Variants in CD46 observed in about 807,000 individuals in gnomAD.
CD46 encodes the protein membrane cofactor protein.
Under a neutral mutation model 53.3 loss-of-function variants are expected in CD46, and 30 were observed. The observed-to-expected ratio is 0.56, with a 90% CI of 0.42 to 0.76. CD46 has a LOEUF of 0.76. Among genes scored for constraint, CD46 ranks in the 30% least tolerant of loss-of-function variants. The pLI is 0.00. For missense variants in CD46, 409 were observed against 463.0 expected (o/e 0.88, Z 1.07); for synonymous variants, 142 against 152.0 (o/e 0.93, Z 0.48).
At chr1:207,778,828 G>T (rs184432999) in intron 8 of CD46, among the ~76,000 whole-genome samples, 1 of 152,086 alleles carries the variant, frequency 6.6e-6, no homozygotes, top group African/African-American at 2.4e-5. Context: ...GAAGAATGTC[G>T]TTGGTAGTTT....
At chr1:207,764,547 G>C (rs1208048884) in intron 5 of CD46, among the ~76,000 whole-genome samples, 1 of 152,004 alleles carries the variant, frequency 6.6e-6, no homozygotes, top group African/African-American at 2.4e-5. Context: ...TTGTGCATAT[G>C]GTCATTCTTT....
chr1:207,787,083 CTTTT>C (rs1186910934), intron 11 of CD46, among the ~76,000 whole-genome samples: 1 of 151,884 alleles, frequency 6.6e-6, no homozygotes, highest in Non-Finnish European at 1.5e-5. Flanking sequence ...TTGTTTTTTG[CTTTT>C]TTGTGATGGA....
intron 5 of CD46, among the ~76,000 whole-genome samples, chr1:207,765,952 T>C (rs1027029062): frequency 6.6e-6 from 1 of 152,170 alleles, no homozygotes; most frequent in South Asian, 2.1e-4. Context: ...CTCTAAAAGA[T>C]GGACTCGTAC....
Position 207,752,460 on chromosome 1 carries a change from GGCGGGGAAT to G in CD46, c.97+159_97+167del. On this transcript the variant is annotated intron_variant, in intron 1 of 12. Coordinates refer to ENST00000367042, the MANE Select transcript of CD46 (RefSeq NM_172351.3). The surrounding 1 kb of genome is among the most constrained non-coding windows in gnomAD (Gnocchi z 4.1). ...CAGTGCTCAGATCCCGGGGGTATGT[GGCGGGGAAT>G]GCGGGGACCACGCAGAGCCCGAGGT... 1.3e-6 allele frequency: 1 copy of G among 786,350 alleles called. No homozygotes were observed. The highest frequency in any genetic ancestry group is 2.5e-5 in the East Asian group (1 of 39,534). 48.7% of individuals were successfully genotyped at this position (786,350 alleles called of 1,614,324 possible).
chr1:207,779,146 C>G (rs976570002), intron 8 of CD46, among the ~76,000 whole-genome samples: 2 of 152,132 alleles, frequency 1.3e-5, no homozygotes, highest in Admixed American at 6.5e-5. Flanking sequence ...TATCCTGCAA[C>G]TTTGGTGAAG....
intron 8 of CD46, among the ~76,000 whole-genome samples, chr1:207,782,018 A>G (rs927931376): frequency 6.6e-6 from 1 of 151,948 alleles, no homozygotes; most frequent in Non-Finnish European, 1.5e-5. Context: ...TTTGTATAGT[A>G]TTGACAGTTT....
chr1:207,762,481 TA>T (rs1571599082), intron 5 of CD46: 1 of 152,144 alleles, frequency 6.6e-6, no homozygotes, highest in Non-Finnish European at 1.5e-5. Context: ...CAACAGTTGC[TA>T]CTTGGAGATC....
chr1:207,761,598 C>T (rs577265129), intron 5 of CD46, 152 bp downstream of exon 5: 186 of 677,770 alleles, frequency 2.7e-4, no homozygotes, highest in African/African-American at 1.5e-3. Flanking sequence ...CAATTCAAGT[C>T]AAAAAATAGT....
At chr1:207,776,135 C>T (rs530994566) in intron 8 of CD46, among the ~76,000 whole-genome samples, 34 of 152,360 alleles carry the variant, frequency 2.2e-4, no homozygotes, top group East Asian at 5.8e-4. Flanking sequence ...CAGACTGCTG[C>T]GCTAGCAGTG....
At chr1:207,759,977 A>G in intron 4 of CD46, 1 of 368,282 alleles carries the variant, frequency 2.7e-6, no homozygotes, top group Non-Finnish European at 5.0e-6. Context: ...CAGTGGCACA[A>G]TCTCAGCTCA....
chr1:207,781,832 T>A (rs1658768028), intron 8 of CD46, among the ~76,000 whole-genome samples: 1 of 152,176 alleles, frequency 6.6e-6, no homozygotes. Flanking sequence ...AGTTTTGGAA[T>A]CAGAAAGTGT....
chr1:207,784,983 C>A, intron 9 of CD46, 88 bp from the exon 10 acceptor site: 1 of 1,134,716 alleles, frequency 8.8e-7, no homozygotes, highest in Non-Finnish European at 1.3e-6. Flanking sequence ...CACAGCCAAA[C>A]CATATCAAGT....
intron 12 of CD46, among the ~76,000 whole-genome samples, chr1:207,793,145 CTA>C (rs1443527775): frequency 6.6e-6 from 1 of 152,196 alleles, no homozygotes; most frequent in African/African-American, 2.4e-5. Context: ...GTTAGAACCA[CTA>C]TCTTTTTAAA....
chr1:207,760,859 A>G (rs1054827560), intron 4 of CD46: 3 of 196,016 alleles, frequency 1.5e-5, no homozygotes, highest in Non-Finnish European at 3.2e-5. Context: ...TCTCCCAAGC[A>G]CTCAGTATCA....
chr1:207,759,653 G>A lies in CD46; in HGVS notation c.404G>A (p.Gly135Asp), dbSNP rs1245287864. 1 of 1,576,388 alleles carries A rather than the reference G, an allele frequency of 6.3e-7. No individual in the cohort carries two copies. The highest frequency in any genetic ancestry group is 8.7e-7 in the Non-Finnish European group (1 of 1,146,252). The change falls in exon 4 of 13, where the codon GGT becomes GAT. Residue 135 changes from glycine (G) to aspartate (D), a missense_variant. By Grantham distance (94) the Gly-to-Asp change is moderately conservative (BLOSUM62 -1). Transcript: ENST00000367042. ...TTCTCATTTAGTTATTACTTAATTG[G>A]TGAAGAAATTCTATATTGTGAACTT... ...FICNEGYYLI[G>D]EEILYCELKG...
intron 7 of CD46, chr1:207,768,582 A>G (rs2796271): frequency 0.61 from 92,997 of 151,972 alleles, 28,836 homozygotes; most frequent in East Asian, 0.91. Context: ...TCAATTTTAT[A>G]GCAACTGAAA....
At position 207,757,525 on chromosome 1, in the gene CD46, A is replaced by G. The variant is rs747884982; in HGVS notation, c.287-15A>G. ...TATAACTGGATTGAAAACTATCAAA[A>G]TTATTTTCTTTCAGGAGAAACATGT... On this transcript the variant is annotated splice_polypyrimidine_tract_variant and intron_variant, in intron 2 of 12. Transcript: ENST00000367042. 2 of 1,527,380 alleles carry G rather than the reference A, an allele frequency of 1.3e-6. No individual in the cohort carries two copies. The highest frequency in any genetic ancestry group is 2.3e-5 in the South Asian group (2 of 87,296). The allele number at this position is 1,527,380 out of a possible 1,614,324, so 94.6% of individuals were successfully genotyped here.
At chr1:207,775,744 A>T (rs1658028183) in intron 8 of CD46, among the ~76,000 whole-genome samples, 2 of 152,196 alleles carry the variant, frequency 1.3e-5, no homozygotes, top group Non-Finnish European at 2.9e-5. Flanking sequence ...GCTTCGTCCC[A>T]GGTGGGGCAC....
intron 4 of CD46, 47 bp from the exon 5 acceptor site, chr1:207,761,202 T>C (rs1410360374): frequency 1.6e-6 from 2 of 1,226,488 alleles, no homozygotes; most frequent in East Asian, 2.4e-5. Flanking sequence ...TTACTAATGC[T>C]GTCTTAATCT....
Sources: allele counts gnomAD v4.1 joint callset (sites outside exome capture counted in the v4.1 genomes callset), GRCh38; gene constraint gnomAD v4.1.1; non-coding constraint Gnocchi (gnomAD v3.1); transcripts MANE v1.5; gene names NCBI Gene and HGNC (gene_info 2026-07-23, HGNC 2026-07-21).